ST6GAL1: variants seen among roughly 807,000 people sequenced by gnomAD.
ST6GAL1 encodes the protein beta-galactoside alpha-2,6-sialyltransferase 1.
Under a neutral mutation model 38.0 loss-of-function variants are expected in ST6GAL1, and 20 were observed. The observed-to-expected ratio is 0.53, with a 90% CI of 0.37 to 0.77. The LOEUF is 0.77. Among genes scored for constraint, ST6GAL1 ranks in the 30% least tolerant of loss-of-function variants. The pLI, the probability that ST6GAL1 is intolerant of heterozygous loss-of-function variation, is 0.00. For missense variants in ST6GAL1, 432 were observed against 496.4 expected, an observed-to-expected ratio of 0.87 and a Z score of 1.23; for synonymous variants, 196 against 188.2, an observed-to-expected ratio of 1.04 and a Z score of -0.34.
intron 2 of ST6GAL1, among the ~76,000 whole-genome samples, chr3:186,974,477 A>G (rs115354395): frequency 0.013 from 1,933 of 152,280 alleles, 17 homozygotes; most frequent in Non-Finnish European, 0.019. Context: ...TTATTGAGGT[A>G]CAGTTTATAT....
At chr3:187,025,111 T>C (rs1038383119) in intron 2 of ST6GAL1, among the ~76,000 whole-genome samples, 7 of 151,834 alleles carry the variant, frequency 4.6e-5, no homozygotes, top group Non-Finnish European at 8.8e-5. Context: ...GGGTGGTACG[T>C]AGGTAATTCT....
chr3:187,019,199 A>C (rs1213276517), intron 2 of ST6GAL1, among the ~76,000 whole-genome samples: 1 of 152,066 alleles, frequency 6.6e-6, no homozygotes, highest in Admixed American at 6.5e-5. Context: ...AGAATTTAGG[A>C]CCTCTTGGCT....
chr3:187,000,833 G>T (rs1453926212), intron 2 of ST6GAL1, among the ~76,000 whole-genome samples: 1 of 152,198 alleles, frequency 6.6e-6, no homozygotes, highest in East Asian at 1.9e-4. Context: ...TCCCAGCCAT[G>T]AGTGATACAT....
At chr3:187,024,085 A>G (rs1717429987) in intron 2 of ST6GAL1, among the ~76,000 whole-genome samples, 1 of 151,392 alleles carries the variant, frequency 6.6e-6, no homozygotes, top group Admixed American at 6.6e-5. Context: ...ATACATATAT[A>G]CATGTTTTGC....
At chr3:186,966,220 G>T (rs891106127) in intron 2 of ST6GAL1, among the ~76,000 whole-genome samples, 1 of 152,158 alleles carries the variant, frequency 6.6e-6, no homozygotes, top group African/African-American at 2.4e-5. Flanking sequence ...CTTATTCTGA[G>T]AATCTTTAGA....
At chr3:187,055,819 G>A (rs994762290) in intron 5 of ST6GAL1, among the ~76,000 whole-genome samples, 2 of 152,138 alleles carry the variant, frequency 1.3e-5, no homozygotes, top group Middle Eastern at 3.2e-3. Flanking sequence ...ATGTCTATTA[G>A]GTCTGCTTGG....
intron 2 of ST6GAL1, among the ~76,000 whole-genome samples, chr3:187,024,489 T>G (rs1272669297): frequency 7.4e-4 from 67 of 90,996 alleles, no homozygotes; most frequent in African/African-American, 1.0e-3. Context: ...TATATATATA[T>G]ATATAGAGAG....
In ST6GAL1 at chr3:187,074,275, T is replaced by G. The variant is rs541483340; in HGVS notation, c.921T>G (p.Ile307Met). ...KPQMPWELWD[I>M]LQEISPEEIQ... Reference sequence around the variant, plus strand: ...AGATGCCTTGGGAGCTATGGGACATTCTTCAAGAAATCTCCCCAGAAGAGA... The same window carrying G: ...AGATGCCTTGGGAGCTATGGGACATGCTTCAAGAAATCTCCCCAGAAGAGA... The change falls in exon 7 of 8, where the codon ATT (isoleucine) becomes ATG (methionine). Residue 307 changes from isoleucine (I) to methionine (M), a missense_variant. Coordinates refer to ENST00000169298, the MANE Select transcript of ST6GAL1 (RefSeq NM_173216.2). 2.5e-6 allele frequency: 4 copies of G among 1,611,268 alleles called. No individual in the cohort carries two copies. In the East Asian group the frequency reaches 8.9e-5, roughly 36 times the overall value.
chr3:187,019,742 C>T (rs142276604), intron 2 of ST6GAL1, among the ~76,000 whole-genome samples: 108 of 152,306 alleles, frequency 7.1e-4, no homozygotes, highest in African/African-American at 2.6e-3. Context: ...GGCACTATGC[C>T]ACCCTCTGGG....
intron 2 of ST6GAL1, among the ~76,000 whole-genome samples, chr3:187,007,021 AC>A (rs1327134228): frequency 6.6e-6 from 1 of 152,240 alleles, no homozygotes; most frequent in African/African-American, 2.4e-5. Context: ...AAATAATCCA[AC>A]CACAATCTCT....
intron 2 of ST6GAL1, among the ~76,000 whole-genome samples, chr3:186,999,214 C>G (rs370754130): frequency 1.1e-4 from 17 of 151,820 alleles, no homozygotes; most frequent in African/African-American, 4.1e-4. Flanking sequence ...TGTCTAGGGC[C>G]GTGGGACCAT....
rs145929290 is a variant in ST6GAL1, at chr3:187,051,259, C to T, written c.618C>T (p.Asp206=). Residue 206 remains aspartate (D), a synonymous_variant, in exon 5 of 8, where the codon GAC becomes GAT. Transcript: ENST00000169298. The stretch of plus-strand genomic sequence containing the variant: ...CTTTGTGGTTTATAGATGATCATGA[C>T]GCAGTCCTGAGGTTTAATGGGGCAC... The part of the protein sequence containing the change: ...SQLGREIDDH[D]AVLRFNGAPT... 59 of 1,613,476 alleles carry T rather than the reference C, an allele frequency of 3.7e-5. No individual in the cohort carries two copies. The highest frequency in any genetic ancestry group is 2.6e-4 in the South Asian group (24 of 91,058).
chr3:186,981,866 G>C lies in ST6GAL1; in HGVS notation c.-183+17940G>C, dbSNP rs931996153. Among the ~76,000 whole-genome samples the C allele has an allele frequency of 3.3e-5, 5 of 152,242 alleles. No individual in the cohort carries two copies. The South Asian group carries it at 1.0e-3, about 32-fold the overall frequency. ...GGAAACCCTCTGAATGACCACCCTTGAATACCTCCTTTACTAAGACCCATG... is the reference window on the plus strand; with the variant it reads ...GGAAACCCTCTGAATGACCACCCTTCAATACCTCCTTTACTAAGACCCATG... On this transcript the variant is annotated intron_variant, in intron 2 of 7. Transcript: ENST00000169298.
intron 1 of ST6GAL1, among the ~76,000 whole-genome samples, chr3:186,933,206 G>A (rs1713821976): frequency 6.6e-6 from 1 of 152,144 alleles, no homozygotes; most frequent in Admixed American, 6.5e-5. Flanking sequence ...TGGTGTCTTT[G>A]CTTTCATCTT....
chr3:186,939,641 C>T (rs950433005), intron 1 of ST6GAL1, among the ~76,000 whole-genome samples: 1 of 152,212 alleles, frequency 6.6e-6, no homozygotes, highest in Non-Finnish European at 1.5e-5. Flanking sequence ...GACTCGAGCC[C>T]AGCCTTCCCT....
At chr3:186,974,592 C>T (rs1715458823) in intron 2 of ST6GAL1, among the ~76,000 whole-genome samples, 1 of 152,042 alleles carries the variant, frequency 6.6e-6, no homozygotes, top group Non-Finnish European at 1.5e-5. Flanking sequence ...ACATTTCCGT[C>T]ATTAGTGGGG....
At chr3:187,041,719 C>T (rs1718129422) in intron 3 of ST6GAL1, among the ~76,000 whole-genome samples, 1 of 152,144 alleles carries the variant, frequency 6.6e-6, no homozygotes, top group South Asian at 2.1e-4. Context: ...CTTCTTAGAG[C>T]CTCAGGTTGC....
intron 2 of ST6GAL1, among the ~76,000 whole-genome samples, chr3:187,008,832 C>T (rs572914937): frequency 5.3e-5 from 8 of 152,028 alleles, no homozygotes; most frequent in African/African-American, 1.4e-4. Flanking sequence ...TGTGAATATG[C>T]GTTTCTCTTT....
At chr3:186,994,961 G>T (rs35653970) in intron 2 of ST6GAL1, among the ~76,000 whole-genome samples, 34,574 of 151,362 alleles carry the variant, frequency 0.23, 4,128 homozygotes, top group South Asian at 0.31. Flanking sequence ...AAAAAAAAGA[G>T]ACCCTTTAAA....
Sources: gnomAD v4.1 joint callset for allele counts (sites outside exome capture counted in the v4.1 genomes callset) on GRCh38, gnomAD v4.1.1 for gene constraint, MANE v1.5 for transcripts, NCBI Gene and HGNC (gene_info 2026-07-23, HGNC 2026-07-21) for gene names.